RABGAP1L: variants seen among roughly 807,000 people sequenced by gnomAD.
The protein encoded by RABGAP1L is RAB GTPase activating protein 1 like.
A neutral mutation model predicts 137.7 loss-of-function variants in RABGAP1L; 63 were observed. The ratio of observed to expected loss-of-function variants is 0.46; its 90% CI spans 0.37 to 0.56. The LOEUF (loss-of-function observed/expected upper bound fraction) is 0.56. Ranked by LOEUF, RABGAP1L falls within the 20% of genes least tolerant of loss-of-function variation. RABGAP1L has a pLI of 0.00. For missense variants in RABGAP1L, 1,095 were observed against 1,244.0 expected (o/e 0.88, Z 1.80); for synonymous variants, 431 against 433.7 (o/e 0.99, Z 0.08).
chr1:174,614,717 A>G (rs1017262171), intron 13 of RABGAP1L, among the ~76,000 whole-genome samples: 3 of 152,128 alleles, frequency 2.0e-5, no homozygotes, highest in African/African-American at 7.2e-5. Context: ...AGGTACACCA[A>G]TCAGACGTAG....
At chr1:174,553,268 T>C (rs907266372) in intron 13 of RABGAP1L, among the ~76,000 whole-genome samples, 11 of 152,230 alleles carry the variant, frequency 7.2e-5, no homozygotes, top group African/African-American at 2.7e-4. Flanking sequence ...TTTCTTGCAA[T>C]TGTTTTTGGC....
chr1:174,718,231 C>G (rs1212932116), intron 17 of RABGAP1L, among the ~76,000 whole-genome samples: 2 of 152,036 alleles, frequency 1.3e-5, no homozygotes, highest in Admixed American at 1.3e-4. Context: ...CTAATTTCAC[C>G]TGGGAAAATT....
chr1:174,602,198 A>G (rs1430636423), intron 13 of RABGAP1L, among the ~76,000 whole-genome samples: 3 of 152,330 alleles, frequency 2.0e-5, no homozygotes, highest in Non-Finnish European at 4.4e-5. Context: ...TGCTGCTAAT[A>G]AAGACATACC....
At chr1:174,985,097 A>G (rs1456335994) in intron 24 of RABGAP1L, among the ~76,000 whole-genome samples, 1 of 152,216 alleles carries the variant, frequency 6.6e-6, no homozygotes, top group Non-Finnish European at 1.5e-5. Flanking sequence ...TAGCCAGAAT[A>G]AAGAAGAACA....
intron 19 of RABGAP1L, among the ~76,000 whole-genome samples, chr1:174,886,541 A>G (rs1655168261): frequency 6.6e-6 from 1 of 152,198 alleles, no homozygotes; most frequent in Non-Finnish European, 1.5e-5. Flanking sequence ...TTTATAGAAA[A>G]AGTTGGTTCA....
At chr1:174,471,217 C>G (rs894858909) in intron 13 of RABGAP1L, among the ~76,000 whole-genome samples, 1 of 152,062 alleles carries the variant, frequency 6.6e-6, no homozygotes, top group East Asian at 1.9e-4. Flanking sequence ...ATTGAACCTC[C>G]CTTTTGATCG....
At chr1:174,652,689 C>A (rs898120161) in intron 14 of RABGAP1L, among the ~76,000 whole-genome samples, 1 of 152,182 alleles carries the variant, frequency 6.6e-6, no homozygotes, top group Non-Finnish European at 1.5e-5. Flanking sequence ...TAGAGAGGCA[C>A]TCGCCAGATG....
intron 13 of RABGAP1L, among the ~76,000 whole-genome samples, chr1:174,579,620 T>C (rs1229931598): frequency 6.6e-6 from 1 of 152,206 alleles, no homozygotes; most frequent in Non-Finnish European, 1.5e-5. Flanking sequence ...TAAGAATTGT[T>C]GGTTGTTTGC....
chr1:174,257,225 C>T (rs528899833), intron 7 of RABGAP1L, among the ~76,000 whole-genome samples: 8 of 152,242 alleles, frequency 5.3e-5, no homozygotes, highest in African/African-American at 1.9e-4. Flanking sequence ...TCTGTAGCAA[C>T]ACAGACAAAG....
At chr1:174,195,225 A>G (rs1368118748) in intron 1 of RABGAP1L, among the ~76,000 whole-genome samples, 1 of 152,220 alleles carries the variant, frequency 6.6e-6, no homozygotes, top group African/African-American at 2.4e-5. Flanking sequence ...AGTTTTCCAG[A>G]GGAAAGGGCT....
rs139620057 is a variant in RABGAP1L at position 174,802,643 on chromosome 1, G to C, written c.2212-9189G>C. On this transcript the variant is annotated intron_variant, in intron 18 of 25. Transcript: ENST00000681986. The stretch of plus-strand genomic sequence containing the variant: ...AGAAAAGCATACGCTGATTTATCTT[G>C]GGGGCCACTTGAAAATCTCTGGCTT... 5.3e-5 allele frequency among the ~76,000 whole-genome samples: 8 copies of C among 152,308 alleles called. No homozygotes were observed. In the East Asian group the frequency reaches 1.5e-3, roughly 29 times the overall value.
intron 4 of RABGAP1L, among the ~76,000 whole-genome samples, chr1:174,232,639 T>C (rs1044386137): frequency 6.6e-5 from 10 of 150,646 alleles, no homozygotes; most frequent in Non-Finnish European, 1.3e-4. Context: ...AAAAATTAGC[T>C]GGGCATGGTG....
chr1:174,541,477 T>C (rs6696945), intron 13 of RABGAP1L, among the ~76,000 whole-genome samples: 53,593 of 151,916 alleles, frequency 0.35, 12,097 homozygotes, highest in African/African-American at 0.64. Context: ...CAATACCTAG[T>C]TTATTAAGAG....
intron 13 of RABGAP1L, among the ~76,000 whole-genome samples, chr1:174,520,621 A>AAT (rs1663280369): frequency 1.3e-5 from 2 of 152,380 alleles, no homozygotes; most frequent in African/African-American, 4.8e-5. Flanking sequence ...AATATCAATT[A>AAT]GTATGTTGAG....
At position 174,176,401 on chromosome 1, in the gene RABGAP1L, A is replaced by G. The variant is rs78760229; in HGVS notation, c.-34+16744A>G. ...ATGCAGATCTTTATAATATTGGCACATCTTATTATACAATATAAAGAAGTC... is the reference window on the plus strand; with the variant it reads ...ATGCAGATCTTTATAATATTGGCACGTCTTATTATACAATATAAAGAAGTC... On this transcript the variant is annotated intron_variant, in intron 1 of 25. Coordinates refer to ENST00000681986, the MANE Select transcript of RABGAP1L (RefSeq NM_001366446.1). Among the ~76,000 whole-genome samples the G allele has an allele frequency of 5.6e-3, 846 of 152,264 alleles. 4 individuals are homozygous for G. The highest frequency in any genetic ancestry group is 0.01 in the Middle Eastern group (3 of 294).
At chr1:174,454,147 C>A (rs553381829) in intron 13 of RABGAP1L, among the ~76,000 whole-genome samples, 6 of 152,140 alleles carry the variant, frequency 3.9e-5, no homozygotes, top group African/African-American at 1.2e-4. Flanking sequence ...CCTGTAGTCC[C>A]AGCCACTCGG....
chr1:174,574,231 T>C (rs1244395845), intron 13 of RABGAP1L, among the ~76,000 whole-genome samples: 2 of 152,202 alleles, frequency 1.3e-5, no homozygotes, highest in Admixed American at 1.3e-4. Context: ...AATTGATTTT[T>C]AGCAAATATC....
intron 19 of RABGAP1L, among the ~76,000 whole-genome samples, chr1:174,916,547 A>G (rs1660913537): frequency 6.6e-6 from 1 of 152,238 alleles, no homozygotes; most frequent in South Asian, 2.1e-4. Flanking sequence ...TTTTTGTATT[A>G]AAATACAGGT....
chr1:174,747,624 A>G (rs1032041774), intron 17 of RABGAP1L, among the ~76,000 whole-genome samples: 2 of 152,068 alleles, frequency 1.3e-5, no homozygotes, highest in African/African-American at 4.8e-5. Context: ...AAGAATTTAC[A>G]TACATAAATT....
Sources: gnomAD v4.1 joint callset for allele counts (sites outside exome capture counted in the v4.1 genomes callset) on GRCh38, gnomAD v4.1.1 for gene constraint, MANE v1.5 for transcripts, NCBI Gene and HGNC (gene_info 2026-07-23, HGNC 2026-07-21) for gene names.